SEPTIN3: variants seen among roughly 807,000 people sequenced by gnomAD.
The protein encoded by SEPTIN3 is septin 3.
SEPTIN3 carries 15 observed loss-of-function variants against 45.1 expected under a neutral mutation model. That is an observed-to-expected ratio of 0.33 (90% CI 0.22 to 0.51). The LOEUF is 0.51. Ranked by LOEUF, SEPTIN3 falls within the 20% of genes least tolerant of loss-of-function variation. The pLI is 0.97. For synonymous variants in SEPTIN3, 148 were observed against 164.8 expected, an observed-to-expected ratio of 0.90 and a Z score of 0.78; for missense variants, 289 against 457.2, an observed-to-expected ratio of 0.63 and a Z score of 3.35.
In SEPTIN3 at chr22:41,979,100, ACACAG is replaced by A. The variant is rs1569436938; in HGVS notation, c.1505-2544_1505-2540del. The stretch of plus-strand genomic sequence containing the variant: ...TGCCAGCAGGCGCTGTGTACAGTGC[ACACAG>A]TGGGTGCTCATATGTGCTTGTTGGA... On this transcript the variant is annotated intron_variant, in intron 2 of 11. Coordinates refer to ENST00000644076, the MANE Select transcript of SEPTIN3 (RefSeq NM_001363845.2). Among the ~76,000 whole-genome samples, 5 of 152,284 alleles carry A rather than the reference ACACAG, an allele frequency of 3.3e-5. No individual in the cohort carries two copies. The South Asian group carries it at 1.0e-3, about 32-fold the overall frequency.
At chr22:41,983,146 G>C (rs117268110) in intron 3 of SEPTIN3, among the ~76,000 whole-genome samples, 1 of 152,170 alleles carries the variant, frequency 6.6e-6, no homozygotes, top group East Asian at 1.9e-4. Flanking sequence ...CTGACTCTGT[G>C]CTGTCAAAGT....
chr22:41,981,766 C>T lies in SEPTIN3; in HGVS notation c.1626C>T (p.Ile542=), dbSNP rs995621309. Residue 542 remains isoleucine, a synonymous_variant, in exon 3 of 12, where the codon ATC becomes ATT. Transcript: ENST00000644076. ...CCAACCTGCTGGGCTACATCGGCAT[C>T]GACACCATCATCGAGCAGATGCGCA... ...INSNLLGYIG[I]DTIIEQMRKK... is the part of the protein sequence containing the mutation. 8.1e-6 allele frequency: 13 copies of T among 1,613,922 alleles called. No individual in the cohort carries two copies. The highest frequency in any genetic ancestry group is 4.0e-5 in the African/African-American group (3 of 74,916).
chr22:41,974,940 G>A (rs1223180275), intron 2 of SEPTIN3, among the ~76,000 whole-genome samples: 1 of 146,436 alleles, frequency 6.8e-6, no homozygotes, highest in Non-Finnish European at 1.5e-5. Context: ...TTAGGAAGTT[G>A]TGATTTGTCT....
rs1055444603 is a variant in SEPTIN3 at position 41,994,586 on chromosome 22, T to C, written c.2412-35T>C. ...CACCGCCTCCTCTTCCTGCCCCTAA[T>C]TGCAGCCCTCTTCTTCTCACCCTGT... On this transcript the variant is annotated intron_variant, in intron 10 of 11. Coordinates refer to ENST00000644076, the MANE Select transcript of SEPTIN3 (RefSeq NM_001363845.2). The surrounding 1 kb of genome is among the most constrained non-coding windows in gnomAD (Gnocchi z 4.2). 7.4e-6 allele frequency: 12 copies of C among 1,613,130 alleles called. No individual in the cohort carries two copies. Among genetic ancestry groups the C allele is most frequent in the Middle Eastern group, 1.7e-4 (1 of 5,902 alleles).
intron 1 of SEPTIN3, 25 bp downstream of exon 1, chr22:41,969,702 G>C (rs2077937409): frequency 6.8e-6 from 1 of 147,264 alleles, no homozygotes; most frequent in African/African-American, 2.5e-5. Flanking sequence ...GGGTGGAAGG[G>C]TGTGGGGGTT....
chr22:41,988,623 G>A (rs182222832), intron 6 of SEPTIN3, among the ~76,000 whole-genome samples: 2 of 152,278 alleles, frequency 1.3e-5, no homozygotes, highest in Admixed American at 6.5e-5. Flanking sequence ...CCTAGGCTTC[G>A]ACCCCCTGGT....
chr22:41,995,685 T>C (rs2078421483), intron 11 of SEPTIN3: 1 of 985,410 alleles, frequency 1.0e-6, no homozygotes, highest in South Asian at 4.7e-5. Flanking sequence ...TACAGGACAG[T>C]ACAAACAGAT....
chr22:41,981,304 C>T (rs1253944701), intron 2 of SEPTIN3: 2 of 237,656 alleles, frequency 8.4e-6, no homozygotes, highest in Non-Finnish European at 1.6e-5. Flanking sequence ...ACAATAATTA[C>T]TCAAATGTCA....
intron 3 of SEPTIN3, among the ~76,000 whole-genome samples, chr22:41,984,845 CTTTT>C (rs11380985): frequency 9.9e-6 from 1 of 100,682 alleles, no homozygotes; most frequent in Non-Finnish European, 1.9e-5. Context: ...GTGGTTTTCC[CTTTT>C]TTTTTTTTTT....
chr22:41,990,053 G>GTT (rs397970970), intron 7 of SEPTIN3, among the ~76,000 whole-genome samples: 1 of 116,828 alleles, frequency 8.6e-6, no homozygotes, highest in African/African-American at 3.1e-5. Flanking sequence ...TCTTCTCTTT[G>GTT]TTTTTTTTTT....
At chr22:41,991,785 C>A in intron 8 of SEPTIN3, 117 bp downstream of exon 8, 1 of 766,912 alleles carries the variant, frequency 1.3e-6, no homozygotes, top group South Asian at 1.5e-5. Context: ...CCTTGCCTGA[C>A]CCAGACCAGA....
intron 4 of SEPTIN3, among the ~76,000 whole-genome samples, chr22:41,986,774 A>C (rs1401755539): frequency 6.6e-6 from 1 of 152,048 alleles, no homozygotes; most frequent in African/African-American, 2.4e-5. Flanking sequence ...CTGCTGGGAT[A>C]ACAGGCGTGA....
At chr22:41,973,836 C>T (rs903129327) in intron 2 of SEPTIN3, among the ~76,000 whole-genome samples, 6 of 151,770 alleles carry the variant, frequency 4.0e-5, no homozygotes, top group African/African-American at 1.5e-4. Flanking sequence ...CAAAAGTTAG[C>T]CAGGTGTGGT....
In SEPTIN3 at chr22:41,996,897, T is replaced by G. The variant is rs1241380075; in HGVS notation, c.2506-5T>G. ...CACCCTCAACCGTTCTCAACCCCCC[T>G]GCAGGGAGAAGGCCTCCTGGGCACT... On this transcript the variant is annotated splice_polypyrimidine_tract_variant and splice_region_variant and intron_variant, in intron 11 of 11. Transcript: ENST00000644076. The G allele has an allele frequency of 1.2e-6, 2 of 1,613,956 alleles. No individual in the cohort carries two copies. The highest frequency in any genetic ancestry group is 1.7e-6 in the Non-Finnish European group (2 of 1,179,858).
At chr22:41,995,492 GTCT>G (rs2078415820) in intron 11 of SEPTIN3, 1 of 985,438 alleles carries the variant, frequency 1.0e-6, no homozygotes, top group Admixed American at 6.1e-5. Context: ...TTCCGACTTT[GTCT>G]TCTTTCTCCC....
intron 11 of SEPTIN3, chr22:41,995,638 A>G (rs1423512728): frequency 1.0e-6 from 1 of 985,410 alleles, no homozygotes; most frequent in East Asian, 1.1e-4. Flanking sequence ...ACTTCCAGAA[A>G]TGACTTTAGA....
rs77480961 is a variant in SEPTIN3 at position 41,992,014 on chromosome 22, T to G, written c.2259+346T>G. On this transcript the variant is annotated intron_variant, in intron 8 of 11. Coordinates refer to ENST00000644076, the MANE Select transcript of SEPTIN3 (RefSeq NM_001363845.2). The stretch of plus-strand genomic sequence containing the variant: ...ATCTATGCTGTGGTCAGACCCTGCC[T>G]TAGTTTCCCCTCTATGAAATGCAGG... 3.2e-3 allele frequency among the ~76,000 whole-genome samples: 484 copies of G among 152,302 alleles called. 4 individuals are homozygous for G. Among genetic ancestry groups the G allele is most frequent in the Non-Finnish European group, 5.3e-3 (360 of 68,020 alleles).
At chr22:41,987,176 C>T (rs774636398) in intron 4 of SEPTIN3, 30 bp from the exon 5 acceptor site, 25 of 1,594,282 alleles carry the variant, frequency 1.6e-5, no homozygotes, top group Non-Finnish European at 2.1e-5. Flanking sequence ...TAGGACTGAC[C>T]TCTCTGGTAC....
At chr22:41,991,763 T>C (rs933223896) in intron 8 of SEPTIN3, 95 bp downstream of exon 8, 4 of 900,056 alleles carry the variant, frequency 4.4e-6, no homozygotes, top group African/African-American at 1.6e-5. Context: ...TCCCTTTCTG[T>C]ACTCCCCCCA....
Sources: gnomAD v4.1 joint callset for allele counts (sites outside exome capture counted in the v4.1 genomes callset) on GRCh38, gnomAD v4.1.1 for gene constraint, Gnocchi (gnomAD v3.1) non-coding constraint, MANE v1.5 for transcripts, NCBI Gene and HGNC (gene_info 2026-07-23, HGNC 2026-07-21) for gene names.